The following GRIK2 variants were observed in gnomAD, a reference collection of about 807,000 sequenced individuals.
GRIK2 encodes glutamate receptor ionotropic, kainate 2.
In GRIK2, 32 loss-of-function variants were observed where a neutral mutation model predicts 100.3. The ratio of observed to expected loss-of-function variants is 0.32; its 90% confidence interval spans 0.24 to 0.43. GRIK2 has a LOEUF of 0.43. Ranked by LOEUF, GRIK2 falls within the 20% of genes least tolerant of loss-of-function variation. GRIK2 has a pLI of 1.00. For synonymous variants in GRIK2, 417 were observed against 389.4 expected, an observed-to-expected ratio of 1.07 and a Z score of -0.83; for missense variants, 843 against 1,114.9, an observed-to-expected ratio of 0.76 and a Z score of 3.47.
At chr6:101,976,304 G>A (rs1409110755) in intron 14 of GRIK2, among the ~76,000 whole-genome samples, 1 of 151,870 alleles carries the variant, frequency 6.6e-6, no homozygotes, top group African/African-American at 2.4e-5. Flanking sequence ...TATACTCATG[G>A]AATAAATGGC....
In GRIK2 at chr6:101,452,458, T is replaced by C. The variant is rs559492827; in HGVS notation, c.115+53066T>C. ...TGTATGAAATTTTTGTGTTTTTTTT[T>C]TCATTTTTTAAAAAGTTCTCCAGCA... On this transcript the variant is annotated intron_variant, in intron 2 of 16. Coordinates refer to ENST00000369134, the MANE Select transcript of GRIK2 (RefSeq NM_021956.5). Among the ~76,000 whole-genome samples, 371 of 151,850 alleles carry C rather than the reference T, an allele frequency of 2.4e-3. 2 individuals are homozygous for C. Among genetic ancestry groups the C allele is most frequent in the African/African-American group, 8.7e-3 (359 of 41,488 alleles).
chr6:101,587,402 C>G (rs73506667), intron 2 of GRIK2, among the ~76,000 whole-genome samples: 36,900 of 150,526 alleles, frequency 0.25, 4,645 homozygotes, highest in African/African-American at 0.32. Context: ...CTGTCTGTCC[C>G]TCCGTCCATC....
chr6:102,046,548 C>T (rs192518641), intron 15 of GRIK2, among the ~76,000 whole-genome samples: 104 of 152,234 alleles, frequency 6.8e-4, no homozygotes, highest in African/African-American at 2.4e-3. Context: ...TCCCCTTAGT[C>T]TTCTTCCATG....
intron 14 of GRIK2, among the ~76,000 whole-genome samples, chr6:102,007,472 C>G (rs1795301382): frequency 6.6e-6 from 1 of 152,110 alleles, no homozygotes; most frequent in Admixed American, 6.6e-5. Context: ...AGTACTCATT[C>G]TACCTTGCAT....
chr6:102,041,518 A>G (rs1770572845), intron 15 of GRIK2, among the ~76,000 whole-genome samples: 1 of 151,514 alleles, frequency 6.6e-6, no homozygotes, highest in African/African-American at 2.4e-5. Flanking sequence ...GCTGACCCTC[A>G]TGTGACAGAC....
At chr6:101,412,304 C>T in intron 2 of GRIK2, among the ~76,000 whole-genome samples, 1 of 151,954 alleles carries the variant, frequency 6.6e-6, no homozygotes, top group East Asian at 1.9e-4. Flanking sequence ...TTTTATCTGT[C>T]TAAATTATTG....
intron 12 of GRIK2, among the ~76,000 whole-genome samples, chr6:101,916,595 T>C (rs1293948883): frequency 2.0e-5 from 3 of 151,584 alleles, no homozygotes; most frequent in Non-Finnish European, 4.4e-5. Context: ...CTGGAATGGA[T>C]TGCAATAAGA....
intron 15 of GRIK2, among the ~76,000 whole-genome samples, chr6:102,047,363 C>A (rs920752504): frequency 1.3e-5 from 2 of 152,036 alleles, no homozygotes; most frequent in Non-Finnish European, 2.9e-5. Context: ...AGGCATTAAA[C>A]TGAAAACTCT....
intron 14 of GRIK2, among the ~76,000 whole-genome samples, chr6:102,006,253 T>C (rs1321500050): frequency 2.6e-5 from 4 of 151,566 alleles, no homozygotes; most frequent in Non-Finnish European, 4.4e-5. Context: ...TTCTGTAGAA[T>C]AGAATCCCAG....
chr6:101,855,110 G>A (rs1421175168), intron 10 of GRIK2, among the ~76,000 whole-genome samples: 1 of 152,126 alleles, frequency 6.6e-6, no homozygotes, highest in East Asian at 1.9e-4. Flanking sequence ...GAGAAAACAG[G>A]ATATCTAGAC....
chr6:101,883,729 GC>G (rs936599156), intron 11 of GRIK2, among the ~76,000 whole-genome samples: 1 of 152,092 alleles, frequency 6.6e-6, no homozygotes, highest in African/African-American at 2.4e-5. Flanking sequence ...AAAGGGACGA[GC>G]TTTCCAGGGA....
intron 14 of GRIK2, among the ~76,000 whole-genome samples, chr6:101,980,572 T>C (rs1355763241): frequency 6.6e-6 from 1 of 151,904 alleles, no homozygotes; most frequent in Admixed American, 6.6e-5. Context: ...GTATTTCCTA[T>C]TTCATTACTA....
intron 7 of GRIK2, among the ~76,000 whole-genome samples, chr6:101,785,674 A>G (rs765537514): frequency 2.0e-5 from 3 of 152,098 alleles, no homozygotes; most frequent in South Asian, 4.1e-4. Flanking sequence ...TCATTGGTCT[A>G]TGTGTCTGTT....
Position 101,761,796 on chromosome 6 carries a change from C to CCCTCCCTTCCTTT in GRIK2, c.952-37851_952-37850insCTCCCTTCCTTTC. Among the ~76,000 whole-genome samples the CCCTCCCTTCCTTT allele has an allele frequency of 1.5e-5, 2 of 132,340 alleles. 1 individual carries two copies. The highest frequency in any genetic ancestry group is 1.6e-4 in the Admixed American group (2 of 12,370). 86.8% of individuals were successfully genotyped at this position (132,340 alleles called of 152,430 possible). ...CCCTCCCTCCCTCCCTCCCTCCCTT[C>CCCTCCCTTCCTTT]CTTTCTTCCTTCCTTCCTTCTTTTC... On this transcript the variant is annotated intron_variant, in intron 7 of 16. Transcript: ENST00000369134.
intron 2 of GRIK2, among the ~76,000 whole-genome samples, chr6:101,566,752 A>G (rs1479710210): frequency 6.7e-6 from 1 of 150,286 alleles, no homozygotes; most frequent in Non-Finnish European, 1.5e-5. Context: ...TATTCTCTAT[A>G]TAAATTTTTA....
At position 102,069,425 on chromosome 6, in the gene GRIK2, G is replaced by A. The variant is rs539158387; in HGVS notation, c.*914G>A. The stretch of plus-strand genomic sequence containing the variant: ...AAAACTGGCCGAGTATTGGCTGTGT[G>A]GAAGACTAAAGCTTTCATTCTAACA... On this transcript the variant is annotated 3_prime_UTR_variant, in exon 17 of 17. Coordinates refer to ENST00000369134, the MANE Select transcript of GRIK2 (RefSeq NM_021956.5). The A allele has an allele frequency of 1.3e-5, 2 of 151,706 alleles. No homozygotes were observed. The highest frequency in any genetic ancestry group is 3.9e-4 in the East Asian group (2 of 5,164). 9.4% of individuals were successfully genotyped at this position (151,706 alleles called of 1,614,324 possible). A position where few individuals can be genotyped will look rare whatever the true frequency, so the allele number is the denominator to read the frequency against.
At chr6:101,530,469 G>T (rs1775385161) in intron 2 of GRIK2, among the ~76,000 whole-genome samples, 1 of 151,818 alleles carries the variant, frequency 6.6e-6, no homozygotes, top group Non-Finnish European at 1.5e-5. Flanking sequence ...GCTATGTATA[G>T]GTTATGTATT....
At chr6:102,006,749 T>G (rs1161563809) in intron 14 of GRIK2, among the ~76,000 whole-genome samples, 1 of 152,016 alleles carries the variant, frequency 6.6e-6, no homozygotes, top group East Asian at 1.9e-4. Context: ...TCATGGCATG[T>G]TTATGGAATA....
intron 7 of GRIK2, among the ~76,000 whole-genome samples, chr6:101,747,313 C>G (rs1307842463): frequency 2.0e-5 from 3 of 152,158 alleles, no homozygotes; most frequent in Non-Finnish European, 4.4e-5. Flanking sequence ...TCATTCATAC[C>G]CACATGAATC....
Sources: gnomAD v4.1 joint callset for allele counts (sites outside exome capture counted in the v4.1 genomes callset) on GRCh38, gnomAD v4.1.1 for gene constraint, MANE v1.5 for transcripts, NCBI Gene and HGNC (gene_info 2026-07-23, HGNC 2026-07-21) for gene names.